The following WARS1 variants were observed in gnomAD, a reference collection of about 807,000 sequenced individuals.
WARS1 encodes the protein tryptophanyl-tRNA synthetase 1, also known as tryptophan--tRNA ligase, cytoplasmic.
A neutral mutation model predicts 47.8 loss-of-function variants in WARS1; 17 were observed. That is an observed-to-expected ratio of 0.36 (90% CI 0.24 to 0.53). The LOEUF is 0.53. WARS1 is among the 20% of genes least tolerant of loss of function. The pLI is 0.91. For missense variants in WARS1, 434 were observed against 608.0 expected (o/e 0.71, Z 3.01); for synonymous variants, 208 against 228.1 (o/e 0.91, Z 0.79).
chr14:100,355,561 T>C (rs1276667239), intron 4 of WARS1, among the ~76,000 whole-genome samples: 1 of 152,128 alleles, frequency 6.6e-6, no homozygotes, highest in East Asian at 1.9e-4. Flanking sequence ...GGAGTTCCAA[T>C]GTTCAGCAGG....
chr14:100,339,374 G>C (rs898218821), intron 9 of WARS1, among the ~76,000 whole-genome samples: 1 of 152,076 alleles, frequency 6.6e-6, no homozygotes, highest in African/African-American at 2.4e-5. Flanking sequence ...GGCAGATTAC[G>C]AGGTCAGGAG....
At chr14:100,351,612 G>C (rs970036248) in intron 6 of WARS1, among the ~76,000 whole-genome samples, 2 of 152,136 alleles carry the variant, frequency 1.3e-5, no homozygotes, top group African/African-American at 4.8e-5. Flanking sequence ...CAGGTGCCAG[G>C]ATCTGGATCC....
intron 1 of WARS1, 94 bp from the exon 2 acceptor site, chr14:100,369,352 C>T (rs1896204216): frequency 2.9e-6 from 1 of 344,010 alleles, no homozygotes; most frequent in African/African-American, 2.1e-5. Flanking sequence ...TCCTTTTTTC[C>T]GAAAAGGTTG....
intron 6 of WARS1, among the ~76,000 whole-genome samples, chr14:100,349,586 C>G (rs1403300644): frequency 6.6e-6 from 1 of 152,228 alleles, no homozygotes. Context: ...TAGCACCCAG[C>G]TCCCTTCCTC....
At chr14:100,349,357 A>G (rs1367492368) in intron 6 of WARS1, among the ~76,000 whole-genome samples, 2 of 152,146 alleles carry the variant, frequency 1.3e-5, no homozygotes, top group African/African-American at 4.8e-5. Context: ...AGCTGCTGAG[A>G]TAATGGTTTT....
rs189737455 is a variant in WARS1, at chr14:100,363,075, T to C, written c.100-1154A>G. ...GTATGTTCCACCCATCTCATTTCTGTAGTACCTAGGCTCAGTACTTGCAAA... is the reference window on the plus strand; with the variant it reads ...GTATGTTCCACCCATCTCATTTCTGCAGTACCTAGGCTCAGTACTTGCAAA... On this transcript the variant is annotated intron_variant, in intron 2 of 10. Transcript: ENST00000392882. Among the ~76,000 whole-genome samples, 7 of 152,334 alleles carry C rather than the reference T, an allele frequency of 4.6e-5. No homozygotes were observed. In the East Asian group the frequency reaches 1.4e-3, roughly 29 times the overall value.
At chr14:100,359,268 G>A (rs996214429) in intron 4 of WARS1, among the ~76,000 whole-genome samples, 3 of 152,062 alleles carry the variant, frequency 2.0e-5, no homozygotes, top group Non-Finnish European at 1.5e-5. Context: ...TAACTCAAAC[G>A]TCCATCAACT....
In WARS1 at chr14:100,373,923, T is replaced by C. The variant is rs563114076; in HGVS notation, c.-74+1360A>G. 3.3e-5 allele frequency: 5 copies of C among 152,222 alleles called. No individual in the cohort carries two copies. In the South Asian group the frequency reaches 1.0e-3, roughly 32 times the overall value. The allele number at this position is 152,222 out of a possible 1,614,324, so 9.4% of individuals were successfully genotyped here. On this transcript the variant is annotated intron_variant, in intron 1 of 10. Coordinates refer to ENST00000392882, the MANE Select transcript of WARS1 (RefSeq NM_004184.4). The surrounding 1 kb of genome is among the most constrained non-coding windows in gnomAD (Gnocchi z 4.4). ...GAGAATGGAACTACCATCTTCCTCA[T>C]TTCACGCATTTATGAGTTTACCCCA...
intron 9 of WARS1, among the ~76,000 whole-genome samples, chr14:100,339,398 T>C (rs1169711766): frequency 4.6e-5 from 7 of 152,020 alleles, no homozygotes; most frequent in Non-Finnish European, 8.8e-5. Flanking sequence ...AAGACCATCC[T>C]GGCTAACACG....
chr14:100,353,722 G>A lies in WARS1; in HGVS notation c.690C>T (p.Asn230=), dbSNP rs200640738. 6.2e-7 allele frequency: 1 copy of A among 1,614,168 alleles called. No individual in the cohort carries two copies. Among genetic ancestry groups the A allele is most frequent in the African/African-American group, 1.3e-5 (1 of 75,052 alleles). The change falls in exon 6 of 11, where the codon AAC becomes AAT. Residue 230 remains asparagine, a synonymous_variant. Coordinates refer to ENST00000392882, the MANE Select transcript of WARS1 (RefSeq NM_004184.4). ...KDIIACGFDI[N]KTFIFSDLDY... ...CCAGGTCAGAGAATATGAAAGTCTTGTTGATGTCAAAGCCACAGGCGATGA... is the reference window on the plus strand; with the variant it reads ...CCAGGTCAGAGAATATGAAAGTCTTATTGATGTCAAAGCCACAGGCGATGA...
chr14:100,347,776 C>A lies in WARS1; in HGVS notation c.726-930G>T, dbSNP rs181495679. Reference sequence around the variant, plus strand: ...ATTTTTAGTAGAGATGGGGTTTCACCATGTTGTCCAGGCTGGTCTCAAACT... The same window carrying A: ...ATTTTTAGTAGAGATGGGGTTTCACAATGTTGTCCAGGCTGGTCTCAAACT... On this transcript the variant is annotated intron_variant, in intron 6 of 10. Coordinates refer to ENST00000392882, the MANE Select transcript of WARS1 (RefSeq NM_004184.4). Among the ~76,000 whole-genome samples, 21 of 152,238 alleles carry A rather than the reference C, an allele frequency of 1.4e-4. No individual in the cohort carries two copies. In the East Asian group the frequency reaches 4.1e-3, roughly 29 times the overall value.
chr14:100,357,738 G>C (rs187414010), intron 4 of WARS1, among the ~76,000 whole-genome samples: 1 of 152,266 alleles, frequency 6.6e-6, no homozygotes, highest in South Asian at 2.1e-4. Flanking sequence ...TGGGATTACA[G>C]GTGTAAGCCA....
chr14:100,341,650 T>C (rs1894171466), intron 9 of WARS1, among the ~76,000 whole-genome samples: 1 of 152,250 alleles, frequency 6.6e-6, no homozygotes, highest in African/African-American at 2.4e-5. Flanking sequence ...ACTGGGGCCA[T>C]GCAAAATAAG....
At chr14:100,346,138 C>G (rs767770543) in intron 7 of WARS1, among the ~76,000 whole-genome samples, 1 of 151,254 alleles carries the variant, frequency 6.6e-6, no homozygotes, top group Non-Finnish European at 1.5e-5. Context: ...TAAAAGTCTA[C>G]GAAGCCAATG....
rs1227342015 is a variant in WARS1, at chr14:100,373,655, T to A, written c.-74+1628A>T. Reference sequence around the variant, plus strand: ...TTTCTTTGCTAGAGGATCAGCTAGATAAACAGGACTTGCATTTAGGGTCCA... The same window carrying A: ...TTTCTTTGCTAGAGGATCAGCTAGAAAAACAGGACTTGCATTTAGGGTCCA... On this transcript the variant is annotated intron_variant, in intron 1 of 10. Coordinates refer to ENST00000392882, the MANE Select transcript of WARS1 (RefSeq NM_004184.4). This position sits in a 1 kb window ranked among gnomAD's most constrained non-coding sequence, Gnocchi z 4.4. Among the ~76,000 whole-genome samples, 1 of 152,222 alleles carries A rather than the reference T, an allele frequency of 6.6e-6. No individual in the cohort carries two copies. The highest frequency in any genetic ancestry group is 1.5e-5 in the Non-Finnish European group (1 of 68,038).
At chr14:100,349,369 C>T (rs1379492686) in intron 6 of WARS1, among the ~76,000 whole-genome samples, 1 of 152,198 alleles carries the variant, frequency 6.6e-6, no homozygotes. Context: ...AATGGTTTTG[C>T]TCCCTGCTGT....
intron 1 of WARS1, among the ~76,000 whole-genome samples, chr14:100,371,916 G>A (rs976811809): frequency 1.3e-5 from 2 of 152,116 alleles, no homozygotes; most frequent in Admixed American, 6.6e-5. Context: ...TGACCGGCAC[G>A]TACACATCCA....
intron 6 of WARS1, among the ~76,000 whole-genome samples, chr14:100,351,112 A>G (rs1230878078): frequency 1.3e-5 from 2 of 152,130 alleles, no homozygotes; most frequent in African/African-American, 4.8e-5. Context: ...TCTCAATGTC[A>G]TCTAAGGAGG....
chr14:100,350,399 G>GAAAAAAAAAAAAAAAAAAAAAAAAAAA (rs56393656), intron 6 of WARS1, among the ~76,000 whole-genome samples: 1 of 112,150 alleles, frequency 8.9e-6, no homozygotes, highest in Non-Finnish European at 1.7e-5. Flanking sequence ...CTCAAAAAAA[G>GAAAAAAAAAAAAAAAAAAAAAAAAAAA]AAAAAAAAAA....
Sources: allele counts gnomAD v4.1 joint callset (sites outside exome capture counted in the v4.1 genomes callset), GRCh38; gene constraint gnomAD v4.1.1; non-coding constraint Gnocchi (gnomAD v3.1); transcripts MANE v1.5; gene names NCBI Gene and HGNC (gene_info 2026-07-23, HGNC 2026-07-21).